DLGAP4: variants seen among roughly 807,000 people sequenced by gnomAD.
The protein encoded by DLGAP4 is disks large-associated protein 4.
Under a neutral mutation model 86.9 loss-of-function variants are expected in DLGAP4, and 18 were observed. That is an observed-to-expected ratio of 0.21 (90% CI 0.14 to 0.31). The LOEUF is 0.31. Among genes scored for constraint, DLGAP4 ranks in the 10% least tolerant of loss-of-function variants. DLGAP4 has a pLI of 1.00. For synonymous variants in DLGAP4, 548 were observed against 574.3 expected (o/e 0.95, Z 0.65); for missense variants, 1,085 against 1,362.6 (o/e 0.80, Z 3.21).
Position 36,436,238 on chromosome 20 carries a change from G to A in DLGAP4, c.1129G>A (p.Asp377Asn), listed in dbSNP as rs1456226785. 1 of 1,605,728 alleles carries A rather than the reference G, an allele frequency of 6.2e-7. No individual in the cohort carries two copies. The highest frequency in any genetic ancestry group is 1.7e-5 in the Admixed American group (1 of 59,906). Residue 377 changes from aspartate to asparagine, a missense_variant, in exon 4 of 13, where the codon GAC becomes AAC. Physicochemically the swap from Asp to Asn is conservative, Grantham distance 23. Around this residue, in one of 2 missense-constraint regions of DLGAP4, gnomAD observed 1,082 missense variants for 1,344.1 expected, o/e 0.81. Transcript: ENST00000339266. ...CTACATCAAGGCCATGGGCGACGAG[G>A]ACAGCGACGAGTCCGGCGGCAGCCC... ...GSYIKAMGDE[D>N]SDESGGSPKP...
At chr20:36,517,095 A>G (rs1468816858) in intron 10 of DLGAP4, among the ~76,000 whole-genome samples, 1 of 150,840 alleles carries the variant, frequency 6.6e-6, no homozygotes, top group Admixed American at 6.6e-5. Context: ...AAAGAAAGAA[A>G]AGGCTGGACG....
At chr20:36,415,790 G>T (rs1180618857) in intron 2 of DLGAP4, among the ~76,000 whole-genome samples, 1 of 152,148 alleles carries the variant, frequency 6.6e-6, no homozygotes, top group Middle Eastern at 3.2e-3. Flanking sequence ...CCTCCCCTGG[G>T]GCCAGCAGAG....
At chr20:36,497,320 A>T in intron 8 of DLGAP4, 1 of 1,353,382 alleles carries the variant, frequency 7.4e-7, no homozygotes, top group African/African-American at 1.5e-5. Flanking sequence ...CAGTGAATGT[A>T]GTTACACTCA....
intron 7 of DLGAP4, among the ~76,000 whole-genome samples, chr20:36,476,935 C>T (rs1188751985): frequency 4.0e-5 from 6 of 151,504 alleles, no homozygotes; most frequent in Admixed American, 6.6e-5. Flanking sequence ...TCAGGTGATC[C>T]GCCTGCCTCA....
intron 1 of DLGAP4, among the ~76,000 whole-genome samples, chr20:36,359,758 T>G (rs1303951095): frequency 6.6e-6 from 1 of 152,192 alleles, no homozygotes; most frequent in Non-Finnish European, 1.5e-5. Flanking sequence ...AGGCTGTTCC[T>G]ATCAGAACAT....
At chr20:36,310,856 T>C (rs1431207893) in intron 1 of DLGAP4, among the ~76,000 whole-genome samples, 5 of 152,150 alleles carry the variant, frequency 3.3e-5, no homozygotes, top group Non-Finnish European at 5.9e-5. Context: ...CTGGGCATCT[T>C]TGAGAAAAGC....
chr20:36,391,931 C>T (rs1009090446), intron 2 of DLGAP4, among the ~76,000 whole-genome samples: 1 of 152,226 alleles, frequency 6.6e-6, no homozygotes. Flanking sequence ...AATCACGGGT[C>T]ACCCTTGAGG....
At position 36,432,214 on chromosome 20, in the gene DLGAP4, G is replaced by A. The variant is rs753084933; in HGVS notation, c.497G>A (p.Gly166Asp). 6.2e-7 allele frequency: 1 copy of A among 1,614,096 alleles called. No individual in the cohort carries two copies. Among genetic ancestry groups the A allele is most frequent in the Non-Finnish European group, 8.5e-7 (1 of 1,180,016 alleles). Residue 166 changes from glycine (G) to aspartate (D), a missense_variant, in exon 3 of 13, where the codon GGC (glycine) becomes GAC (aspartate). Coordinates refer to ENST00000339266, the MANE Select transcript of DLGAP4 (RefSeq NM_001365621.2). The surrounding 1 kb of genome is among the most constrained non-coding windows in gnomAD (Gnocchi z 6.5). ...GAGGGCACAGCGGGCAAGGTCGGTG[G>A]CAATGGCAGCAAGAAGGGTGGCATG... is the stretch of plus-strand genomic sequence containing the variant. ...SLEGTAGKVG[G>D]NGSKKGGMED...
intron 7 of DLGAP4, among the ~76,000 whole-genome samples, chr20:36,461,117 C>G (rs1371077514): frequency 6.6e-6 from 1 of 152,162 alleles, no homozygotes; most frequent in Admixed American, 6.5e-5. Flanking sequence ...GTGGGAACTC[C>G]CGCCTCGGTC....
At chr20:36,357,840 G>A (rs1009380514) in intron 1 of DLGAP4, among the ~76,000 whole-genome samples, 2 of 152,236 alleles carry the variant, frequency 1.3e-5, no homozygotes, top group Admixed American at 6.5e-5. Context: ...AAGTGGGACG[G>A]GAGGAGACCA....
intron 7 of DLGAP4, among the ~76,000 whole-genome samples, chr20:36,448,937 GA>G (rs573984902): frequency 1.5e-3 from 219 of 148,020 alleles, no homozygotes; most frequent in Admixed American, 2.8e-3. Flanking sequence ...TTGTCTCAAA[GA>G]AAAAAAAAAG....
At chr20:36,331,267 A>AG (rs1268956691) in intron 1 of DLGAP4, among the ~76,000 whole-genome samples, 2 of 152,194 alleles carry the variant, frequency 1.3e-5, no homozygotes, top group Non-Finnish European at 2.9e-5. Flanking sequence ...TCAGAAAACG[A>AG]GGGGAAGAGT....
intron 1 of DLGAP4, among the ~76,000 whole-genome samples, chr20:36,337,550 GGGTGGGTT>G (rs2147368776): frequency 6.6e-6 from 1 of 152,316 alleles, no homozygotes; most frequent in East Asian, 1.9e-4. Context: ...GGGCTCTGGA[GGGTGGGTT>G]CAGGCACAGA....
chr20:36,411,268 C>T (rs943835105), intron 2 of DLGAP4, among the ~76,000 whole-genome samples: 148 of 152,252 alleles, frequency 9.7e-4, no homozygotes, highest in African/African-American at 3.3e-3. Flanking sequence ...GGATTATAGA[C>T]GTGGGCCACC....
intron 7 of DLGAP4, among the ~76,000 whole-genome samples, chr20:36,483,190 A>G (rs1180235955): frequency 1.3e-5 from 2 of 152,194 alleles, no homozygotes; most frequent in Non-Finnish European, 2.9e-5. Flanking sequence ...TCCAATACAT[A>G]ATGGGTGAGG....
intron 10 of DLGAP4, among the ~76,000 whole-genome samples, chr20:36,523,945 G>A (rs1382056603): frequency 1.3e-5 from 2 of 152,216 alleles, no homozygotes; most frequent in Non-Finnish European, 2.9e-5. Context: ...ACAGGCGTGA[G>A]CCACTGTACG....
intron 1 of DLGAP4, among the ~76,000 whole-genome samples, chr20:36,336,557 T>C (rs4072255): frequency 0.055 from 8,339 of 152,254 alleles, 777 homozygotes; most frequent in African/African-American, 0.19. Flanking sequence ...TTGGCTTACA[T>C]CTTATCTCCA....
Position 36,499,245 on chromosome 20 carries a change from A to T in DLGAP4, c.2011-343A>T, listed in dbSNP as rs1390852903. ...TTTCTCTCTGATGCGTGTGAAGGAG[A>T]GGACTAGAAGGAACGGTTCCCACCT... On this transcript the variant is annotated intron_variant, in intron 8 of 12. Transcript: ENST00000339266. 11 of 1,607,444 alleles carry T rather than the reference A, an allele frequency of 6.8e-6. No homozygotes were observed. Among genetic ancestry groups the T allele is most frequent in the Non-Finnish European group, 9.3e-6 (11 of 1,178,290 alleles).
intron 5 of DLGAP4, among the ~76,000 whole-genome samples, chr20:36,440,445 C>T (rs765566364): frequency 2.4e-4 from 37 of 152,174 alleles, no homozygotes; most frequent in Non-Finnish European, 4.3e-4. Context: ...TGCTCCCAGG[C>T]GCAGCCAGCC....
Sources: allele counts gnomAD v4.1 joint callset (sites outside exome capture counted in the v4.1 genomes callset), GRCh38; gene constraint gnomAD v4.1.1; regional missense constraint gnomAD v4.1.1; non-coding constraint Gnocchi (gnomAD v3.1); transcripts MANE v1.5; gene names NCBI Gene and HGNC (gene_info 2026-07-23, HGNC 2026-07-21).